Variants in RAD54L observed in about 807,000 individuals in gnomAD.
RAD54L encodes DNA repair and recombination protein RAD54-like.
RAD54L carries 74 observed loss-of-function variants against 91.6 expected under a neutral mutation model. The ratio of observed to expected loss-of-function variants is 0.81; its 90% confidence interval spans 0.67 to 0.98. The LOEUF (loss-of-function observed/expected upper bound fraction) is 0.98. Ranked by LOEUF, RAD54L falls within the 50% of genes least tolerant of loss-of-function variation. The pLI is 0.00. For synonymous variants in RAD54L, 304 were observed against 349.7 expected, an observed-to-expected ratio of 0.87 and a Z score of 1.46; for missense variants, 887 against 945.7, an observed-to-expected ratio of 0.94 and a Z score of 0.81.
At position 46,274,482 on chromosome 1, in the gene RAD54L, A is replaced by G. The variant is rs575328992; in HGVS notation, c.1690-56A>G. 1.3e-5 allele frequency: 20 copies of G among 1,580,232 alleles called. No individual in the cohort carries two copies. In the East Asian group the frequency reaches 4.0e-4, roughly 32 times the overall value. On this transcript the variant is annotated intron_variant, in intron 15 of 17. Coordinates refer to ENST00000371975, the MANE Select transcript of RAD54L (RefSeq NM_003579.4). The stretch of plus-strand genomic sequence containing the variant: ...GAGGGAGGAGCTGGTTGGGCTGAGC[A>G]GGATCCCAGTTTAGGCTATAAGAGG...
intron 4 of RAD54L, 141 bp downstream of exon 4, chr1:46,258,887 C>T (rs2148285791): frequency 2.8e-6 from 2 of 708,290 alleles, no homozygotes; most frequent in Non-Finnish European, 5.0e-6. Context: ...GGGTGACCCT[C>T]CTGAGGCCTG....
chr1:46,253,492 G>A (rs894672842), intron 3 of RAD54L, among the ~76,000 whole-genome samples: 1 of 152,004 alleles, frequency 6.6e-6, no homozygotes, highest in African/African-American at 2.4e-5. Context: ...GTGGTGGCGG[G>A]CGCCTGTAGT....
chr1:46,248,383 C>A lies in RAD54L; in HGVS notation c.-23C>A, dbSNP rs768807845. ...TGACCTTTGGCTCATGGGTACTTGA[C>A]GTTTTAAACTCCTAGGCCCAGGATG... On this transcript the variant is annotated 5_prime_UTR_variant, in exon 1 of 18. Coordinates refer to ENST00000371975, the MANE Select transcript of RAD54L (RefSeq NM_003579.4). 2 of 1,613,378 alleles carry A rather than the reference C, an allele frequency of 1.2e-6. No individual in the cohort carries two copies.
At position 46,258,736 on chromosome 1, in the gene RAD54L, A is replaced by G. The variant is rs1289616349; in HGVS notation, c.261A>G (p.Pro87=). The change falls in exon 4 of 18, where the codon CCA becomes CCG. Residue 87 remains proline, a synonymous_variant. Transcript: ENST00000371975. The part of the protein sequence containing the change: ...ILSKPFKVPI[P]NYQGPLGSRA... ...CAAAGCCTTTCAAAGTCCCCATTCC[A>G]AATTATCAAGGTAAAATGGAGGTTT... 6.2e-7 allele frequency: 1 copy of G among 1,600,676 alleles called. No individual in the cohort carries two copies. Among genetic ancestry groups the G allele is most frequent in the Admixed American group, 1.7e-5 (1 of 60,000 alleles).
rs1229421974 is a variant in RAD54L, at chr1:46,272,496, T to A, written c.1200T>A (p.Leu400=). ...TGATACGGAGGACTTCTGATATCCTTTCTAAATATCTGCCTGTGAAGATTG... is the reference window on the plus strand; with the variant it reads ...TGATACGGAGGACTTCTGATATCCTATCTAAATATCTGCCTGTGAAGATTG... ...RCLIRRTSDI[L]SKYLPVKIEQ... The change falls in exon 11 of 18, where the codon CTT becomes CTA. Residue 400 remains leucine (L), a synonymous_variant. Coordinates refer to ENST00000371975, the MANE Select transcript of RAD54L (RefSeq NM_003579.4). 1.2e-6 allele frequency: 2 copies of A among 1,612,538 alleles called. No homozygotes were observed. The highest frequency in any genetic ancestry group is 2.7e-5 in the African/African-American group (2 of 74,892).
chr1:46,273,244 C>A, intron 12 of RAD54L, 111 bp from the exon 13 acceptor site: 1 of 895,368 alleles, frequency 1.1e-6, no homozygotes, highest in Non-Finnish European at 1.9e-6. Context: ...TCAAGCAAGT[C>A]TGATGTTGAG....
Position 46,272,734 on chromosome 1 carries a change from A to T in RAD54L, c.1307A>T (p.Glu436Val). Residue 436 changes from glutamate (E) to valine (V), a missense_variant, in exon 12 of 18, where the codon GAA becomes GTA. Transcript: ENST00000371975. ...RFLRQAKPAE[E>V]LLEGKMSVSS... Reference sequence around the variant, plus strand: ...CTGAGACAAGCCAAACCGGCAGAAGAATTGCTTGAGGGCAAGATGAGTGTG... The same window carrying T: ...CTGAGACAAGCCAAACCGGCAGAAGTATTGCTTGAGGGCAAGATGAGTGTG... The T allele has an allele frequency of 1.2e-6, 2 of 1,614,194 alleles. No homozygotes were observed. The highest frequency in any genetic ancestry group is 8.5e-7 in the Non-Finnish European group (1 of 1,180,016).
chr1:46,273,679 CA>C lies in RAD54L; in HGVS notation c.1545del (p.Val516Ter). On this transcript the variant is annotated frameshift_variant, in exon 14 of 18. Coordinates refer to ENST00000371975, the MANE Select transcript of RAD54L (RefSeq NM_003579.4). LOFTEE classifies it high-confidence loss of function. The stretch of plus-strand genomic sequence containing the variant: ...CGGTGACCCGAAGCCGTAGCAGTGA[CA>C]AAGTAGTGCTGGTGTCGAATTACAC... Reference protein sequence around the residue: ...LAVTRSRSSDKVVLVSNYTQT... With the variant: ...LAVTRSRSSDXVVLVSNYTQT... The C allele has an allele frequency of 1.2e-6, 2 of 1,613,990 alleles. No individual in the cohort carries two copies. Among genetic ancestry groups the C allele is most frequent in the South Asian group, 1.1e-5 (1 of 91,054 alleles).
rs1489450622 is a variant in RAD54L, at chr1:46,251,919, GAAAATGGTGTT to G, written c.210+1811_210+1821del. On this transcript the variant is annotated intron_variant, in intron 3 of 17. Coordinates refer to ENST00000371975, the MANE Select transcript of RAD54L (RefSeq NM_003579.4). ...GAGCGAGACCCCGTCTCAAAAGAAA[GAAAATGGTGTT>G]AAAATGGTGTGTAATCCTCTGGGAC... Among the ~76,000 whole-genome samples the G allele has an allele frequency of 6.6e-5, 10 of 152,228 alleles. No individual in the cohort carries two copies. In the South Asian group the frequency reaches 1.7e-3, roughly 25 times the overall value.
In RAD54L at chr1:46,274,664, C is replaced by T. The variant is rs754074702; in HGVS notation, c.1816C>T (p.Arg606Trp). Residue 606 changes from arginine to tryptophan, a missense_variant, in exon 16 of 18, where the codon CGG (arginine) becomes TGG (tryptophan). Physicochemically the swap from Arg to Trp is moderately radical, Grantham distance 101. Transcript: ENST00000371975. ...AGCCAATGATGAACAAGCCATGGCC[C>T]GGGTCTGGCGAGATGGTCAAAAGAA... The part of the protein sequence containing the change: ...NPANDEQAMA[R>W]VWRDGQKKTC... The T allele has an allele frequency of 1.5e-5, 24 of 1,614,082 alleles. No individual in the cohort carries two copies. Among genetic ancestry groups the T allele is most frequent in the South Asian group, 4.4e-5 (4 of 91,074 alleles).
At chr1:46,261,110 A>G in intron 7 of RAD54L, 95 bp downstream of exon 7, 1 of 1,544,940 alleles carries the variant, frequency 6.5e-7, no homozygotes. Flanking sequence ...AGGGCAATGC[A>G]GGGGTAGAAG....
At chr1:46,270,582 G>A in intron 9 of RAD54L, 77 bp from the exon 10 acceptor site, 1 of 1,583,004 alleles carries the variant, frequency 6.3e-7, no homozygotes, top group Non-Finnish European at 8.6e-7. Flanking sequence ...TTTGTGAGAA[G>A]GTAGTCTGCC....
rs777755012 is a variant in RAD54L at position 46,267,448 on chromosome 1, T to G, written c.892-11T>G. 2 of 1,613,724 alleles carry G rather than the reference T, an allele frequency of 1.2e-6. No individual in the cohort carries two copies. The highest frequency in any genetic ancestry group is 1.7e-6 in the Non-Finnish European group (2 of 1,180,028). On this transcript the variant is annotated splice_polypyrimidine_tract_variant and intron_variant, in intron 8 of 17. Transcript: ENST00000371975. ...TGCCACATTGCGCTCTGAATAAGGA[T>G]TCTCTTGCAGGGACACAGGCTCAAG...
At chr1:46,261,082 CATTT>C in intron 7 of RAD54L, 67 bp downstream of exon 7, 1 of 1,577,410 alleles carries the variant, frequency 6.3e-7, no homozygotes, top group Non-Finnish European at 8.6e-7. Context: ...CGTGTATGCT[CATTT>C]ATGGCCAGGG....
At chr1:46,259,843 C>A in intron 4 of RAD54L, 121 bp from the exon 5 acceptor site, 1 of 1,326,992 alleles carries the variant, frequency 7.5e-7, no homozygotes, top group South Asian at 1.2e-5. Context: ...TGGAGGCATT[C>A]TCAGAGAGAG....
chr1:46,277,050 C>T (rs1473527387), intron 16 of RAD54L, among the ~76,000 whole-genome samples: 1 of 152,180 alleles, frequency 6.6e-6, no homozygotes, highest in African/African-American at 2.4e-5. Flanking sequence ...CTGCCTCGGC[C>T]TCCAAAATTG....
In RAD54L at chr1:46,260,759, T is replaced by C. The variant is rs748473653; in HGVS notation, c.510T>C (p.Ser170=). 7.4e-6 allele frequency: 12 copies of C among 1,614,196 alleles called. No homozygotes were observed. In the South Asian group the frequency reaches 1.3e-4, roughly 18 times the overall value. The change falls in exon 7 of 18, where the codon AGT becomes AGC. Residue 170 remains serine, a synonymous_variant. Coordinates refer to ENST00000371975, the MANE Select transcript of RAD54L (RefSeq NM_003579.4). The part of the protein sequence containing the change: ...GVKFLWECVT[S]RRIPGSHGCI... ...AATTCCTGTGGGAGTGTGTCACCAGTCGGCGCATCCCTGGCAGCCATGGCT... is the reference window on the plus strand; with the variant it reads ...AATTCCTGTGGGAGTGTGTCACCAGCCGGCGCATCCCTGGCAGCCATGGCT...
intron 14 of RAD54L, 106 bp downstream of exon 14, chr1:46,273,853 TTTCCCTGGAGATATC>T: frequency 6.8e-7 from 1 of 1,470,720 alleles, no homozygotes; most frequent in African/African-American, 1.4e-5. Context: ...ACATAAGGGC[TTTCCCTGGAGATATC>T]TTCCCTTATT....
At chr1:46,272,024 A>AC (rs1660442771) in intron 10 of RAD54L, among the ~76,000 whole-genome samples, 2 of 39,386 alleles carry the variant, frequency 5.1e-5, no homozygotes, top group African/African-American at 1.8e-4. Flanking sequence ...AGGTCTGATG[A>AC]CTTTTTTTTT....
Sources: allele counts gnomAD v4.1 joint callset (sites outside exome capture counted in the v4.1 genomes callset), GRCh38; gene constraint gnomAD v4.1.1; transcripts MANE v1.5; gene names NCBI Gene and HGNC (gene_info 2026-07-23, HGNC 2026-07-21).